Variants in NXPE4 observed in about 807,000 individuals in gnomAD.
NXPE4 encodes neurexophilin and PC-esterase domain family member 4, also known as NXPE family member 4.
In NXPE4, 42 loss-of-function variants were observed where a neutral mutation model predicts 33.3. The observed-to-expected ratio is 1.26, with a 90% CI of 0.98 to 1.63. NXPE4 has a LOEUF of 1.63. Among genes scored for constraint, NXPE4 ranks in the 40% most tolerant of loss-of-function variants. The pLI, the probability that NXPE4 is intolerant of heterozygous loss-of-function variation, is 0.00. For missense variants in NXPE4, 709 were observed against 647.6 expected (o/e 1.09, Z -1.03); for synonymous variants, 253 against 234.9 (o/e 1.08, Z -0.71).
At chr11:114,588,661 A>C (rs1331031698) in intron 2 of NXPE4, among the ~76,000 whole-genome samples, 1 of 152,196 alleles carries the variant, frequency 6.6e-6, no homozygotes, top group East Asian at 1.9e-4. Context: ...TGAATAGAAA[A>C]GGAAACACTT....
Position 114,584,327 on chromosome 11 carries a change from A to C in NXPE4, c.97-1306T>G, listed in dbSNP as rs187349882. 268 of 487,714 alleles carry C rather than the reference A, an allele frequency of 5.5e-4. 2 individuals carry two copies. The highest frequency in any genetic ancestry group is 5.2e-4 in the South Asian group (32 of 61,392). The allele number at this position is 487,714 out of a possible 1,614,324, so 30.2% of individuals were successfully genotyped here. A position where few individuals can be genotyped will look rare whatever the true frequency, so the allele number is the denominator to read the frequency against. ...ATGACTAACCAGAACACTAATGAGT[A>C]CCTGGAGAAGATTAAACAGTGGCTG... is the stretch of plus-strand genomic sequence containing the variant. On this transcript the variant is annotated intron_variant, in intron 2 of 5. Coordinates refer to ENST00000375478, the MANE Select transcript of NXPE4 (RefSeq NM_001077639.2).
chr11:114,605,675 T>G, the NXPE4 span, among the ~76,000 whole-genome samples: 1 of 151,824 alleles, frequency 6.6e-6, no homozygotes, highest in Non-Finnish European at 1.5e-5. Context: ...TGTTGCCTCA[T>G]GTGTAACCAT....
At chr11:114,596,494 A>G (rs555805345), upstream of NXPE4, among the ~76,000 whole-genome samples, 6 of 152,314 alleles carry the variant, frequency 3.9e-5, no homozygotes, top group African/African-American at 1.4e-4. Context: ...TTATGTTTTT[A>G]AAAAGATGGA....
the NXPE4 span, among the ~76,000 whole-genome samples, chr11:114,646,982 C>A: frequency 4.8e-4 from 73 of 152,260 alleles, no homozygotes; most frequent in African/African-American, 1.7e-3. Flanking sequence ...GCACAAGTGT[C>A]CTGAAAGGAG....
chr11:114,611,215 A>T, the NXPE4 span, among the ~76,000 whole-genome samples: 1 of 151,188 alleles, frequency 6.6e-6, no homozygotes, highest in Non-Finnish European at 1.5e-5. Flanking sequence ...GTAGTACTGC[A>T]TGGGTAACCA....
chr11:114,572,248 A>T (rs527315210), intron 5 of NXPE4, among the ~76,000 whole-genome samples: 348 of 152,258 alleles, frequency 2.3e-3, no homozygotes, highest in Non-Finnish European at 4.1e-3. Flanking sequence ...CTTCCCTCTG[A>T]CATGTCTACC....
At chr11:114,648,269 G>A in the NXPE4 span, among the ~76,000 whole-genome samples, 1 of 152,108 alleles carries the variant, frequency 6.6e-6, no homozygotes, top group African/African-American at 2.4e-5. Flanking sequence ...ATGAGAACCA[G>A]GAGAGCCAAT....
the NXPE4 span, among the ~76,000 whole-genome samples, chr11:114,623,591 A>G: frequency 6.6e-6 from 1 of 152,090 alleles, no homozygotes; most frequent in African/African-American, 2.4e-5. Flanking sequence ...CCCTTGGAAA[A>G]TAAGTGTTGC....
the NXPE4 span, among the ~76,000 whole-genome samples, chr11:114,634,418 G>A: frequency 0.023 from 3,551 of 152,172 alleles, 66 homozygotes; most frequent in Non-Finnish European, 0.036. Context: ...TAGGTTGCCT[G>A]TTCACTCTGA....
the NXPE4 span, among the ~76,000 whole-genome samples, chr11:114,662,229 G>GGA: frequency 6.6e-6 from 1 of 151,472 alleles, no homozygotes; most frequent in African/African-American, 2.4e-5. Flanking sequence ...TGTGCACTGG[G>GGA]GAGAGAGAGA....
At chr11:114,630,847 T>C in the NXPE4 span, among the ~76,000 whole-genome samples, 2 of 151,388 alleles carry the variant, frequency 1.3e-5, no homozygotes, top group African/African-American at 4.9e-5. Flanking sequence ...AACAACCCCA[T>C]CAAAAAGTGG....
chr11:114,666,337 A>G, the NXPE4 span, among the ~76,000 whole-genome samples: 2 of 152,138 alleles, frequency 1.3e-5, no homozygotes, highest in South Asian at 4.1e-4. Flanking sequence ...TTTAAAGTAA[A>G]GTAAAAGTCC....
chr11:114,599,058 T>G (rs1949609920), upstream of NXPE4, among the ~76,000 whole-genome samples: 1 of 152,190 alleles, frequency 6.6e-6, no homozygotes, highest in African/African-American at 2.4e-5. Context: ...ATTTCCAGTT[T>G]TACATCTTTT....
the NXPE4 span, among the ~76,000 whole-genome samples, chr11:114,655,324 T>A: frequency 6.6e-6 from 1 of 152,220 alleles, no homozygotes; most frequent in Non-Finnish European, 1.5e-5. Context: ...AACTCTTTAG[T>A]TTAATTAGAT....
At position 114,582,791 on chromosome 11, in the gene NXPE4, A is replaced by G. The variant is rs1265533466; in HGVS notation, c.327T>C (p.Asp109=). ...HSTATILNPR[D]TYCRGDQLHI... Reference sequence around the variant, plus strand: ...GCAGCTGGTCTCCCCTGCAGTACGTATCTCGAGGGTTGAGGATGGTGGCTG... The same window carrying G: ...GCAGCTGGTCTCCCCTGCAGTACGTGTCTCGAGGGTTGAGGATGGTGGCTG... The change falls in exon 3 of 6, where the codon GAT becomes GAC. Residue 109 remains aspartate (D), a synonymous_variant. Transcript: ENST00000375478. The G allele has an allele frequency of 3.7e-6, 6 of 1,613,866 alleles. No homozygotes were observed. The highest frequency in any genetic ancestry group is 5.1e-6 in the Non-Finnish European group (6 of 1,179,976).
At position 114,571,171 on chromosome 11, in the gene NXPE4, T is replaced by G. The variant is rs1452906515; in HGVS notation, c.1402A>C (p.Thr468Pro). Residue 468 changes from threonine to proline, a missense_variant, in exon 6 of 6, where the codon ACT becomes CCT. By Grantham distance (38) the Thr-to-Pro change is conservative. Transcript: ENST00000375478. ...IQHLLLRSPD[T>P]MVIIKTENIR... Reference sequence around the variant, plus strand: ...TTTTCTGTTTTGATGATAACCATAGTGTCTGGGCTTCTCAGAAGAAGATGC... The same window carrying G: ...TTTTCTGTTTTGATGATAACCATAGGGTCTGGGCTTCTCAGAAGAAGATGC... 5 of 1,613,886 alleles carry G rather than the reference T, an allele frequency of 3.1e-6. No individual in the cohort carries two copies. In the African/African-American group the frequency reaches 6.7e-5, roughly 22 times the overall value.
At chr11:114,611,005 A>T in the NXPE4 span, among the ~76,000 whole-genome samples, 1 of 144,294 alleles carries the variant, frequency 6.9e-6, no homozygotes, top group Non-Finnish European at 1.5e-5. Flanking sequence ...TGGATAATAA[A>T]TGTTGCCTCG....
chr11:114,636,817 G>C, the NXPE4 span, among the ~76,000 whole-genome samples: 2 of 152,046 alleles, frequency 1.3e-5, no homozygotes, highest in African/African-American at 4.8e-5. Flanking sequence ...ATTGCACTGT[G>C]GTCTGAGAGA....
the NXPE4 span, among the ~76,000 whole-genome samples, chr11:114,651,381 C>T: frequency 9.9e-5 from 15 of 151,938 alleles, no homozygotes; most frequent in South Asian, 2.1e-4. Flanking sequence ...GGTTCGTGGT[C>T]TCGTGGTCTC....
Sources: allele counts gnomAD v4.1 joint callset (sites outside exome capture counted in the v4.1 genomes callset), GRCh38; gene constraint gnomAD v4.1.1; transcripts MANE v1.5; gene names NCBI Gene and HGNC (gene_info 2026-07-23, HGNC 2026-07-21).